Variants in DNAH6 observed in about 807,000 individuals in gnomAD.
DNAH6 encodes axonemal beta dynein heavy chain 6.
DNAH6 carries 340 observed loss-of-function variants against 491.4 expected under a neutral mutation model. The observed-to-expected ratio is 0.69, with a 90% CI of 0.63 to 0.76. DNAH6 has a LOEUF of 0.76. Among genes scored for constraint, DNAH6 ranks in the 30% least tolerant of loss-of-function variants. The pLI, the probability that DNAH6 is intolerant of heterozygous loss-of-function variation, is 0.00. For synonymous variants in DNAH6, 1,603 were observed against 1,686.1 expected, an observed-to-expected ratio of 0.95 and a Z score of 1.21; for missense variants, 4,443 against 4,972.2, an observed-to-expected ratio of 0.89 and a Z score of 3.20.
Position 84,588,920 on chromosome 2 carries a change from C to A in DNAH6, c.2576C>A (p.Ala859Glu). Residue 859 changes from alanine to glutamate, a missense_variant, in exon 16 of 77, where the codon GCA becomes GAA. This residue lies in a region of DNAH6 where 2,977 missense variants were observed against 3,296.6 expected (regional missense o/e 0.90). Coordinates refer to ENST00000389394, the MANE Select transcript of DNAH6 (RefSeq NM_001370.2). ...GTTCTGGCTGATCTTCAGAAACGTG[C>A]ATTTCAGTATAAGTCCTATCAGAAG... ...QSVLADLQKRAFQYKSYQKNF... is the reference protein window; with the variant it reads ...QSVLADLQKREFQYKSYQKNF... 6 of 1,550,016 alleles carry A rather than the reference C, an allele frequency of 3.9e-6. No homozygotes were observed. The highest frequency in any genetic ancestry group is 5.2e-6 in the Non-Finnish European group (6 of 1,146,348).
chr2:84,638,777 G>A (rs1391255479), intron 31 of DNAH6, among the ~76,000 whole-genome samples: 3 of 152,168 alleles, frequency 2.0e-5, no homozygotes, highest in Admixed American at 2.0e-4. Flanking sequence ...TCTGCAGGCT[G>A]TACAGGAAGT....
chr2:84,715,456 T>G, intron 57 of DNAH6, 104 bp from the exon 58 acceptor site: 178 of 1,041,676 alleles, frequency 1.7e-4, no homozygotes, highest in Middle Eastern at 3.0e-4. Context: ...CAATTAGACC[T>G]GAGATACATC....
At chr2:84,476,593 T>A in the DNAH6 span, among the ~76,000 whole-genome samples, 2 of 152,200 alleles carry the variant, frequency 1.3e-5, no homozygotes, top group African/African-American at 4.8e-5. Context: ...TTCATCTGAA[T>A]CTGCCTCATC....
At chr2:84,757,479 C>T (rs1674151243) in intron 63 of DNAH6, among the ~76,000 whole-genome samples, 2 of 152,292 alleles carry the variant, frequency 1.3e-5, no homozygotes, top group South Asian at 4.2e-4. Flanking sequence ...AGGAAATCTT[C>T]CATACTCCTG....
chr2:84,571,676 G>A (rs1173800967), intron 11 of DNAH6, among the ~76,000 whole-genome samples: 2 of 151,976 alleles, frequency 1.3e-5, no homozygotes, highest in African/African-American at 4.8e-5. Flanking sequence ...CACTTTGGGA[G>A]GCCTAGGTGG....
intron 33 of DNAH6, among the ~76,000 whole-genome samples, chr2:84,648,670 G>T (rs1237486915): frequency 2.0e-5 from 3 of 152,184 alleles, no homozygotes; most frequent in East Asian, 3.9e-4. Flanking sequence ...GAATTGCTGC[G>T]ATCTCATGAT....
At chr2:84,479,420 C>T in the DNAH6 span, among the ~76,000 whole-genome samples, 111 of 152,268 alleles carry the variant, frequency 7.3e-4, no homozygotes, top group African/African-American at 2.5e-3. Context: ...AGACTTTTGC[C>T]CTATTTTCAG....
chr2:84,529,055 G>A lies in DNAH6; in HGVS notation c.551G>A (p.Arg184His), dbSNP rs374433871. The change falls in exon 4 of 77, where the codon CGT becomes CAT. Residue 184 changes from arginine (R) to histidine (H), a missense_variant. By Grantham distance (29) the Arg-to-His change is conservative. Transcript: ENST00000389394. ...GAAGAAGTTGTTAAAGCCAACATTCGTGATCCCTTGCAAATCATTAAAATA... is the reference window on the plus strand; with the variant it reads ...GAAGAAGTTGTTAAAGCCAACATTCATGATCCCTTGCAAATCATTAAAATA... Reference protein sequence around the residue: ...DREEVVKANIRDPLQIIKIIR... With the variant: ...DREEVVKANIHDPLQIIKIIR... 12 of 1,550,982 alleles carry A rather than the reference G, an allele frequency of 7.7e-6. No individual in the cohort carries two copies. The highest frequency in any genetic ancestry group is 7.1e-5 in the South Asian group (6 of 83,988).
the DNAH6 span, among the ~76,000 whole-genome samples, chr2:84,484,293 A>G: frequency 6.6e-6 from 1 of 152,270 alleles, no homozygotes; most frequent in African/African-American, 2.4e-5. Flanking sequence ...TCCACATTTC[A>G]GAGTCTCCTT....
chr2:84,689,674 G>C lies in DNAH6; in HGVS notation c.7292+1081G>C, dbSNP rs1189039421. On this transcript the variant is annotated intron_variant, in intron 45 of 76. Transcript: ENST00000389394. ...GTGCAGTCATACAGGCCCACTCAAGGTCAAAAGAAGAGGACGGAGACCCTA... is the reference window on the plus strand; with the variant it reads ...GTGCAGTCATACAGGCCCACTCAAGCTCAAAAGAAGAGGACGGAGACCCTA... Among the ~76,000 whole-genome samples, 14 of 152,138 alleles carry C rather than the reference G, an allele frequency of 9.2e-5. No homozygotes were observed. The East Asian group carries it at 2.5e-3, about 27-fold the overall frequency.
chr2:84,705,400 TATC>T, intron 51 of DNAH6, 83 bp from the exon 52 acceptor site: 1 of 1,229,748 alleles, frequency 8.1e-7, no homozygotes, highest in Non-Finnish European at 1.1e-6. Context: ...ATTGGGATAA[TATC>T]ATAATGTTCT....
the DNAH6 span, among the ~76,000 whole-genome samples, chr2:84,467,300 A>G: frequency 6.6e-6 from 1 of 152,188 alleles, no homozygotes; most frequent in Non-Finnish European, 1.5e-5. Context: ...TACCATAAAC[A>G]CATTTTACTT....
chr2:84,720,426 C>T (rs1404983836), intron 59 of DNAH6, among the ~76,000 whole-genome samples: 1 of 150,766 alleles, frequency 6.6e-6, no homozygotes, highest in Admixed American at 6.6e-5. Context: ...CTACAGGCGC[C>T]CGCCACTACG....
At chr2:84,516,184 T>A (rs1336092558), upstream of DNAH6, among the ~76,000 whole-genome samples, 1 of 152,160 alleles carries the variant, frequency 6.6e-6, no homozygotes, top group Non-Finnish European at 1.5e-5. Flanking sequence ...GAAAAGAAAT[T>A]CCTGTAAGAG....
Position 84,815,782 on chromosome 2 carries a change from A to T in DNAH6, c.12151-79A>T, listed in dbSNP as rs1330861071. On this transcript the variant is annotated intron_variant, in intron 75 of 76. Transcript: ENST00000389394. Reference sequence around the variant, plus strand: ...TGTTTTTTAGAATTACCTGGTGAGGATGTGGGACATAGGAAGTGGCTCACA... The same window carrying T: ...TGTTTTTTAGAATTACCTGGTGAGGTTGTGGGACATAGGAAGTGGCTCACA... The T allele has an allele frequency of 3.1e-6, 3 of 959,524 alleles. No homozygotes were observed. The Admixed American group carries it at 7.2e-5, about 23-fold the overall frequency. The allele number at this position is 959,524 out of a possible 1,614,324, so 59.4% of individuals were successfully genotyped here. A position where few individuals can be genotyped will look rare whatever the true frequency, so the allele number is the denominator to read the frequency against.
At chr2:84,598,891 G>T (rs1053859089) in intron 18 of DNAH6, among the ~76,000 whole-genome samples, 1 of 151,986 alleles carries the variant, frequency 6.6e-6, no homozygotes, top group African/African-American at 2.4e-5. Flanking sequence ...TTAGCTGGGC[G>T]TGGTGGCTTG....
the DNAH6 span, among the ~76,000 whole-genome samples, chr2:84,470,834 A>G: frequency 6.6e-6 from 1 of 152,098 alleles, no homozygotes; most frequent in African/African-American, 2.4e-5. Context: ...TGAGAAAAAG[A>G]CAGTTTGAGA....
chr2:84,602,726 T>A (rs11896257), intron 18 of DNAH6, among the ~76,000 whole-genome samples: 10,795 of 151,392 alleles, frequency 0.071, 1,288 homozygotes, highest in African/African-American at 0.25. Context: ...TCTGTCTCTC[T>A]TCTCCTTCTA....
At chr2:84,726,658 G>C (rs575694286) in intron 60 of DNAH6, among the ~76,000 whole-genome samples, 169 of 152,098 alleles carry the variant, frequency 1.1e-3, no homozygotes, top group African/African-American at 3.9e-3. Context: ...AGCATTAGGA[G>C]ATATACCTAA....
Sources: allele counts gnomAD v4.1 joint callset (sites outside exome capture counted in the v4.1 genomes callset), GRCh38; gene constraint gnomAD v4.1.1; regional missense constraint gnomAD v4.1.1; transcripts MANE v1.5; gene names NCBI Gene and HGNC (gene_info 2026-07-23, HGNC 2026-07-21).